The following SGCZ variants were observed in gnomAD, a reference collection of about 807,000 sequenced individuals.
SGCZ encodes sarcoglycan zeta.
Under a neutral mutation model 41.3 loss-of-function variants are expected in SGCZ, and 40 were observed. The ratio of observed to expected loss-of-function variants is 0.97; its 90% CI spans 0.75 to 1.26. The LOEUF (loss-of-function observed/expected upper bound fraction) is 1.26, where lower values mean the gene tolerates loss of function less well. Among genes scored for constraint, SGCZ ranks in the 50% most tolerant of loss-of-function variants. SGCZ has a pLI of 0.00. For missense variants in SGCZ, 552 were observed against 369.8 expected (o/e 1.49, Z -4.04); for synonymous variants, 206 against 137.5 (o/e 1.50, Z -3.49).
intron 6 of SGCZ, among the ~76,000 whole-genome samples, chr8:14,107,741 C>T (rs1433651975): frequency 6.6e-6 from 1 of 152,124 alleles, no homozygotes; most frequent in African/African-American, 2.4e-5. Flanking sequence ...TGGGCTCAAG[C>T]AATCCTCTGG....
intron 1 of SGCZ, among the ~76,000 whole-genome samples, chr8:14,992,179 C>T (rs959371460): frequency 1.3e-5 from 2 of 149,596 alleles, no homozygotes; most frequent in African/African-American, 4.9e-5. Flanking sequence ...ATCTACTCCC[C>T]AAACTAGTGT....
chr8:14,983,392 T>C (rs1801734271), intron 1 of SGCZ, among the ~76,000 whole-genome samples: 2 of 151,968 alleles, frequency 1.3e-5, no homozygotes, highest in Admixed American at 1.3e-4. Context: ...TTATTTTTAT[T>C]TTTTGGAGAC....
At chr8:15,236,263 A>C (rs895933941) in intron 1 of SGCZ, among the ~76,000 whole-genome samples, 5 of 152,152 alleles carry the variant, frequency 3.3e-5, no homozygotes, top group African/African-American at 1.2e-4. Context: ...CCGTCTATGC[A>C]ATCTGGGGCG....
At chr8:14,583,383 T>C (rs1804957422) in intron 1 of SGCZ, among the ~76,000 whole-genome samples, 1 of 152,196 alleles carries the variant, frequency 6.6e-6, no homozygotes, top group Non-Finnish European at 1.5e-5. Context: ...TTGTTTGAGT[T>C]CATTGTAGAT....
At chr8:14,870,614 C>T (rs1446518530) in intron 1 of SGCZ, among the ~76,000 whole-genome samples, 1 of 151,972 alleles carries the variant, frequency 6.6e-6, no homozygotes, top group Non-Finnish European at 1.5e-5. Context: ...AGAGCTTCTG[C>T]ACAGCAAAAG....
At chr8:14,829,011 C>T (rs1208101572) in intron 1 of SGCZ, among the ~76,000 whole-genome samples, 4 of 151,806 alleles carry the variant, frequency 2.6e-5, no homozygotes, top group African/African-American at 9.7e-5. Context: ...ACCTAAATTT[C>T]TTCAGCTAAT....
intron 4 of SGCZ, among the ~76,000 whole-genome samples, chr8:14,235,836 C>G (rs948213590): frequency 6.6e-6 from 1 of 152,094 alleles, no homozygotes; most frequent in Non-Finnish European, 1.5e-5. Flanking sequence ...AGGCACACAC[C>G]ACCATGCCCA....
intron 1 of SGCZ, among the ~76,000 whole-genome samples, chr8:14,968,921 A>G (rs1394795479): frequency 6.6e-6 from 1 of 152,072 alleles, no homozygotes; most frequent in Non-Finnish European, 1.5e-5. Flanking sequence ...CTCACAAATG[A>G]TATTTTCCTG....
intron 1 of SGCZ, among the ~76,000 whole-genome samples, chr8:14,652,179 T>A (rs533218580): frequency 2.6e-4 from 39 of 151,750 alleles, no homozygotes; most frequent in Admixed American, 1.8e-3. Flanking sequence ...CTGTCTCTAC[T>A]GAAAATACAA....
intron 1 of SGCZ, among the ~76,000 whole-genome samples, chr8:15,168,746 C>T (rs992719158): frequency 2.6e-5 from 4 of 152,184 alleles, no homozygotes; most frequent in African/African-American, 9.7e-5. Flanking sequence ...TTTTTCTTTT[C>T]TCCTCCTCTG....
chr8:14,217,143 A>C (rs888842187), intron 4 of SGCZ, among the ~76,000 whole-genome samples: 2 of 152,000 alleles, frequency 1.3e-5, no homozygotes, highest in Non-Finnish European at 2.9e-5. Flanking sequence ...CACACACACA[A>C]AAAGTTAGCC....
In SGCZ at chr8:14,961,477, T is replaced by TGAGA. The variant is rs369006517; in HGVS notation, c.39+276104_39+276107dup. On this transcript the variant is annotated intron_variant, in intron 1 of 7. Transcript: ENST00000382080. The stretch of plus-strand genomic sequence containing the variant: ...CGTGGTACCATACAATAAGGTATTT[T>TGAGA]GAGAGAGAGAGAGAGATCCCATTCA... Among the ~76,000 whole-genome samples, 737 of 151,738 alleles carry TGAGA rather than the reference T, an allele frequency of 4.9e-3. 1 individual carries two copies. The highest frequency in any genetic ancestry group is 0.017 in the African/African-American group (691 of 41,378).
chr8:14,506,164 T>C (rs925149800), intron 2 of SGCZ, among the ~76,000 whole-genome samples: 12 of 151,586 alleles, frequency 7.9e-5, no homozygotes, highest in African/African-American at 2.9e-4. Context: ...GATGAAACCC[T>C]GTGTCTACTA....
At chr8:14,536,923 T>TA (rs1803314744) in intron 2 of SGCZ, among the ~76,000 whole-genome samples, 1 of 152,018 alleles carries the variant, frequency 6.6e-6, no homozygotes, top group African/African-American at 2.4e-5. Flanking sequence ...TAGGAAGCTA[T>TA]AAAAAATTAA....
intron 4 of SGCZ, among the ~76,000 whole-genome samples, chr8:14,221,283 A>C (rs1463027746): frequency 1.3e-5 from 2 of 152,222 alleles, no homozygotes; most frequent in Non-Finnish European, 2.9e-5. Flanking sequence ...GTTGAAAGAC[A>C]ATCTATGAAT....
At chr8:14,436,393 A>T (rs890778627) in intron 2 of SGCZ, among the ~76,000 whole-genome samples, 2 of 152,192 alleles carry the variant, frequency 1.3e-5, no homozygotes, top group African/African-American at 4.8e-5. Context: ...CTGAGTTAGC[A>T]ATCTTCTCCA....
At chr8:15,220,311 T>C (rs1434403329) in intron 1 of SGCZ, among the ~76,000 whole-genome samples, 2 of 152,194 alleles carry the variant, frequency 1.3e-5, no homozygotes, top group African/African-American at 2.4e-5. Context: ...TGCTATCTAG[T>C]CTTATTCCAT....
At chr8:15,124,877 A>G (rs974788104) in intron 1 of SGCZ, among the ~76,000 whole-genome samples, 14 of 152,202 alleles carry the variant, frequency 9.2e-5, no homozygotes, top group African/African-American at 3.1e-4. Context: ...TGAAAGATCC[A>G]AAAATCTTGC....
chr8:14,554,927 C>G lies in SGCZ; in HGVS notation c.40-1G>C, dbSNP rs1433244558. The G allele has an allele frequency of 1.3e-6, 2 of 1,484,948 alleles. No individual in the cohort carries two copies. Among genetic ancestry groups the G allele is most frequent in the Non-Finnish European group, 1.8e-6 (2 of 1,112,738 alleles). 92.0% of individuals were successfully genotyped at this position (1,484,948 alleles called of 1,614,324 possible). On this transcript the variant is annotated splice_acceptor_variant, in intron 1 of 7. Coordinates refer to ENST00000382080, the MANE Select transcript of SGCZ (RefSeq NM_139167.4). LOFTEE classifies it high-confidence loss of function. The stretch of plus-strand genomic sequence containing the variant: ...CTAGTATGTATTGTTCTCGTGTCAT[C>G]TGAAAAAGAAAAAAGAAAGAAAGAG...
Sources: allele counts gnomAD v4.1 joint callset (sites outside exome capture counted in the v4.1 genomes callset), GRCh38; gene constraint gnomAD v4.1.1; transcripts MANE v1.5; gene names NCBI Gene and HGNC (gene_info 2026-07-23, HGNC 2026-07-21).